The following FSHR variants were observed in gnomAD, a reference collection of about 807,000 sequenced individuals.
FSHR encodes follicle stimulating hormone receptor, also known as follicle-stimulating hormone receptor.
FSHR carries 46 observed loss-of-function variants against 52.1 expected under a neutral mutation model. The observed-to-expected ratio is 0.88, with a 90% CI of 0.70 to 1.13. The LOEUF is 1.13. Ranked by LOEUF, FSHR falls within the 50% of genes most tolerant of loss-of-function variation. The probability of loss-of-function intolerance (pLI) is 0.00; values close to 1 mark genes in which losing one functional copy is unlikely to be tolerated. For synonymous variants in FSHR, 399 were observed against 309.6 expected, an observed-to-expected ratio of 1.29 and a Z score of -3.03; for missense variants, 964 against 834.6, an observed-to-expected ratio of 1.16 and a Z score of -1.91.
chr2:49,126,819 C>G (rs2103794688), intron 1 of FSHR, among the ~76,000 whole-genome samples: 1 of 152,336 alleles, frequency 6.6e-6, no homozygotes, highest in African/African-American at 2.4e-5. Context: ...TGTCCTAGGA[C>G]ACACCTCTCA....
At chr2:49,124,489 T>C (rs1202949267) in intron 1 of FSHR, among the ~76,000 whole-genome samples, 2 of 152,152 alleles carry the variant, frequency 1.3e-5, no homozygotes, top group Non-Finnish European at 2.9e-5. Context: ...TATCTCATGA[T>C]CTTCATCCTC....
chr2:49,122,550 G>A (rs1177021667), intron 1 of FSHR, among the ~76,000 whole-genome samples: 1 of 152,154 alleles, frequency 6.6e-6, no homozygotes, highest in East Asian at 1.9e-4. Context: ...GGCTGAGAGT[G>A]TTGTATACCT....
chr2:49,098,765 T>G (rs1019626029), intron 1 of FSHR, among the ~76,000 whole-genome samples: 2 of 147,168 alleles, frequency 1.4e-5, no homozygotes, highest in Non-Finnish European at 3.0e-5. Context: ...TATAATAATA[T>G]GTATTTATAT....
At chr2:49,008,380 C>A (rs867393037) in intron 4 of FSHR, among the ~76,000 whole-genome samples, 1 of 146,998 alleles carries the variant, frequency 6.8e-6, no homozygotes, top group African/African-American at 2.5e-5. Flanking sequence ...GGCTGCATAG[C>A]ATTCCATGGT....
rs186685560 is a variant in FSHR at position 49,052,329 on chromosome 2, T to C, written c.224+15890A>G. ...TGTCCTGCCAACCTCCTCTTTGTTT[T>C]ATTCTTCTTTAGCTACAACATGTAG... On this transcript the variant is annotated intron_variant, in intron 2 of 9. Transcript: ENST00000406846. Among the ~76,000 whole-genome samples the C allele has an allele frequency of 4.1e-3, 619 of 152,312 alleles. 8 individuals are homozygous for C. The highest frequency in any genetic ancestry group is 0.014 in the African/African-American group (576 of 41,552).
At chr2:48,992,572 G>A (rs1269197542) in intron 4 of FSHR, among the ~76,000 whole-genome samples, 1 of 152,158 alleles carries the variant, frequency 6.6e-6, no homozygotes, top group African/African-American at 2.4e-5. Flanking sequence ...ACCAGGTACT[G>A]TGAGTGCTCA....
chr2:49,020,614 C>G (rs572818200), intron 2 of FSHR, among the ~76,000 whole-genome samples: 1 of 151,854 alleles, frequency 6.6e-6, no homozygotes, highest in South Asian at 2.1e-4. Context: ...CCAAATGTAA[C>G]CAAAGGTAAC....
chr2:49,092,484 C>T (rs1004436632), intron 1 of FSHR, among the ~76,000 whole-genome samples: 1 of 152,164 alleles, frequency 6.6e-6, no homozygotes, highest in Non-Finnish European at 1.5e-5. Flanking sequence ...GGTAAATGCT[C>T]TTTATCAAGC....
At position 48,963,927 on chromosome 2, in the gene FSHR, C is replaced by G; in HGVS notation, c.894G>C (p.Arg298Ser). 6.2e-7 allele frequency: 1 copy of G among 1,613,744 alleles called. No homozygotes were observed. Among genetic ancestry groups the G allele is most frequent in the Non-Finnish European group, 8.5e-7 (1 of 1,179,886 alleles). The change falls in exon 10 of 10, where the codon AGG becomes AGC. Residue 298 changes from arginine (R) to serine (S), a missense_variant. Coordinates refer to ENST00000406846, the MANE Select transcript of FSHR (RefSeq NM_000145.4). ...LHPICNKSIL[R>S]QEVDYMTQAR... ...CCTGAGTCATATAATCAACTTCTTG[C>G]CTTAAAATAGATTTGTTGCAAATTG...
intron 1 of FSHR, among the ~76,000 whole-genome samples, chr2:49,146,679 T>A (rs1212569242): frequency 6.6e-6 from 1 of 151,978 alleles, no homozygotes; most frequent in African/African-American, 2.4e-5. Context: ...TTTGGGGAAG[T>A]TTGGTGCCTG....
intron 1 of FSHR, among the ~76,000 whole-genome samples, chr2:49,118,555 A>G (rs1389906070): frequency 6.6e-6 from 1 of 152,198 alleles, no homozygotes; most frequent in Non-Finnish European, 1.5e-5. Flanking sequence ...GCAGTTTCAA[A>G]TGACCAGCAA....
chr2:49,029,575 C>G (rs1422956908), intron 2 of FSHR, among the ~76,000 whole-genome samples: 1 of 152,236 alleles, frequency 6.6e-6, no homozygotes, highest in African/African-American at 2.4e-5. Flanking sequence ...TGAAGGTCCT[C>G]TGTCCCTCAG....
intron 1 of FSHR, among the ~76,000 whole-genome samples, chr2:49,077,869 C>T (rs970070116): frequency 1.3e-5 from 2 of 152,224 alleles, no homozygotes; most frequent in African/African-American, 4.8e-5. Flanking sequence ...TCCTCATCTC[C>T]ATCTGAGACC....
At chr2:48,983,054 C>A (rs1675324624) in intron 7 of FSHR, 44 bp downstream of exon 7, 1 of 1,609,438 alleles carries the variant, frequency 6.2e-7, no homozygotes, top group African/African-American at 1.3e-5. Context: ...TTGTAAGAGC[C>A]ATTTCCCTTT....
chr2:49,118,124 A>C (rs180758620), intron 1 of FSHR, among the ~76,000 whole-genome samples: 36 of 152,246 alleles, frequency 2.4e-4, no homozygotes, highest in African/African-American at 8.2e-4. Flanking sequence ...GGGGGGAAAG[A>C]GTAAAAGCTA....
chr2:49,072,534 C>G (rs1334170452), intron 1 of FSHR, among the ~76,000 whole-genome samples: 2 of 151,968 alleles, frequency 1.3e-5, no homozygotes, highest in Non-Finnish European at 2.9e-5. Flanking sequence ...AATTTTTATT[C>G]CATTTTTTGC....
At chr2:49,148,368 A>G (rs17038364) in intron 1 of FSHR, among the ~76,000 whole-genome samples, 5,160 of 152,154 alleles carry the variant, frequency 0.034, 283 homozygotes, top group African/African-American at 0.12. Context: ...ATCCGATCCT[A>G]TACTAGTTCA....
chr2:48,979,664 C>T (rs1257667132), intron 8 of FSHR, among the ~76,000 whole-genome samples: 3 of 152,204 alleles, frequency 2.0e-5, no homozygotes, highest in East Asian at 1.9e-4. Context: ...GAAGGACCAT[C>T]TTAACTCCAG....
intron 2 of FSHR, among the ~76,000 whole-genome samples, chr2:49,065,134 C>A (rs1400131954): frequency 6.6e-6 from 1 of 152,080 alleles, no homozygotes; most frequent in Non-Finnish European, 1.5e-5. Flanking sequence ...AATTATTCCA[C>A]CTGGTGAGAG....
Sources: allele counts gnomAD v4.1 joint callset (sites outside exome capture counted in the v4.1 genomes callset), GRCh38; gene constraint gnomAD v4.1.1; transcripts MANE v1.5; gene names NCBI Gene and HGNC (gene_info 2026-07-23, HGNC 2026-07-21).